Variants in HJURP observed in about 807,000 individuals in gnomAD.
The protein encoded by HJURP is Holliday junction recognition protein.
A neutral mutation model predicts 72.0 loss-of-function variants in HJURP; 49 were observed. That is an observed-to-expected ratio of 0.68 (90% CI 0.54 to 0.86). The LOEUF (loss-of-function observed/expected upper bound fraction) is 0.86, where lower values mean the gene tolerates loss of function less well. Among genes scored for constraint, HJURP ranks in the 40% least tolerant of loss-of-function variants. The pLI is 0.00. For missense variants in HJURP, 908 were observed against 936.3 expected (o/e 0.97, Z 0.39); for synonymous variants, 357 against 347.1 (o/e 1.03, Z -0.32).
intron 4 of HJURP, among the ~76,000 whole-genome samples, chr2:233,849,450 C>A (rs1462075060): frequency 6.6e-6 from 1 of 152,060 alleles, no homozygotes; most frequent in Non-Finnish European, 1.5e-5. Flanking sequence ...AGTGAGGGTT[C>A]ACAACACCAC....
chr2:233,849,343 C>T (rs986171244), intron 4 of HJURP, among the ~76,000 whole-genome samples: 1 of 152,058 alleles, frequency 6.6e-6, no homozygotes. Context: ...GGACAGATTC[C>T]CTAGAAAAGA....
At chr2:233,839,213 G>A (rs914156524) in intron 8 of HJURP, among the ~76,000 whole-genome samples, 4 of 152,194 alleles carry the variant, frequency 2.6e-5, no homozygotes, top group Non-Finnish European at 5.9e-5. Context: ...CTGAGCCAAG[G>A]AGCCTGAGCC....
chr2:233,853,155 A>G (rs980760425), intron 2 of HJURP, among the ~76,000 whole-genome samples: 4 of 152,182 alleles, frequency 2.6e-5, no homozygotes, highest in African/African-American at 9.7e-5. Context: ...CAAGGAGCAG[A>G]TCTTGTGAAC....
At chr2:233,850,952 G>T (rs1478154052) in intron 3 of HJURP, among the ~76,000 whole-genome samples, 1 of 152,230 alleles carries the variant, frequency 6.6e-6, no homozygotes, top group Non-Finnish European at 1.5e-5. Flanking sequence ...GCACCAAGTC[G>T]TCTGGGAAAA....
At chr2:233,848,637 T>C (rs1486766408) in intron 4 of HJURP, among the ~76,000 whole-genome samples, 2 of 152,158 alleles carry the variant, frequency 1.3e-5, no homozygotes, top group Non-Finnish European at 2.9e-5. Context: ...GGGCCTGTAC[T>C]GAGGCGCAGA....
At chr2:233,854,358 T>C (rs774999236) in intron 1 of HJURP, 26 bp downstream of exon 1, 1 of 1,544,608 alleles carries the variant, frequency 6.5e-7, no homozygotes. Flanking sequence ...AGGCCTCCCC[T>C]CCCGGCGGAC....
Position 233,837,529 on chromosome 2 carries a change from C to T in HJURP, c.*48G>A, listed in dbSNP as rs374573049. Reference sequence around the variant, plus strand: ...AAGAATCAAAAACAAAACAAAAATACAAACAGAGAGCAAGTGGGAAGATAA... The same window carrying T: ...AAGAATCAAAAACAAAACAAAAATATAAACAGAGAGCAAGTGGGAAGATAA... On this transcript the variant is annotated 3_prime_UTR_variant, in exon 9 of 9. Coordinates refer to ENST00000411486, the MANE Select transcript of HJURP (RefSeq NM_018410.5). The T allele has an allele frequency of 3.5e-5, 46 of 1,310,012 alleles. 1 individual carries two copies. The highest frequency in any genetic ancestry group is 4.4e-5 in the Non-Finnish European group (40 of 909,156). 81.1% of individuals were successfully genotyped at this position (1,310,012 alleles called of 1,614,324 possible). A position where few individuals can be genotyped will look rare whatever the true frequency, so the allele number is the denominator to read the frequency against.
In HJURP at chr2:233,844,218, G is replaced by A. The variant is rs145305256; in HGVS notation, c.561C>T (p.Ala187=). ...VTPLPSLASP[A]VPAPGYCSRI... ...TGTCACACTCACCGGGGGCAGGCAC[G>A]GCAGGTGAGGCCAGTGAAGGCAGCG... Residue 187 remains alanine (A), a synonymous_variant, in exon 7 of 9, where the codon GCC becomes GCT. Coordinates refer to ENST00000411486, the MANE Select transcript of HJURP (RefSeq NM_018410.5). 41 of 1,613,926 alleles carry A rather than the reference G, an allele frequency of 2.5e-5. No individual in the cohort carries two copies. Among genetic ancestry groups the A allele is most frequent in the African/African-American group, 4.0e-5 (3 of 75,032 alleles).
chr2:233,846,081 A>G lies in HJURP; in HGVS notation c.403-261T>C. ...ATGACAGCATTGCTAGACCAGGAAA[A>G]AAAAAATCTGAATATTCATAGGTGA... On this transcript the variant is annotated intron_variant, in intron 5 of 8. Transcript: ENST00000411486. This position sits in a 1 kb window ranked among gnomAD's most constrained non-coding sequence, Gnocchi z 4.3. 2.7e-6 allele frequency: 1 copy of G among 370,484 alleles called. No individual in the cohort carries two copies. The highest frequency in any genetic ancestry group is 4.9e-6 in the Non-Finnish European group (1 of 204,450). 22.9% of individuals were successfully genotyped at this position (370,484 alleles called of 1,614,324 possible).
Position 233,840,685 on chromosome 2 carries a change from C to G in HJURP, c.2095G>C (p.Gly699Arg). Residue 699 changes from glycine (G) to arginine (R), a missense_variant, in exon 8 of 9, where the codon GGT (glycine) becomes CGT (arginine). This residue lies in a region of HJURP where 598 missense variants were observed against 619.5 expected (regional missense o/e 0.97). Transcript: ENST00000411486. ...QGSGRQGNSL[G>R]ASDGVDNTVR... is the part of the protein sequence containing the mutation. ...GTGTTGTCCACCCCATCTGAGGCAC[C>G]CAGGGAATTGCCCTGGCGTCCGGAG... 3 of 1,614,030 alleles carry G rather than the reference C, an allele frequency of 1.9e-6. No individual in the cohort carries two copies. Among genetic ancestry groups the G allele is most frequent in the Non-Finnish European group, 2.5e-6 (3 of 1,179,996 alleles).
At chr2:233,848,154 G>A (rs1705413832) in intron 4 of HJURP, among the ~76,000 whole-genome samples, 1 of 152,012 alleles carries the variant, frequency 6.6e-6, no homozygotes, top group African/African-American at 2.4e-5. Flanking sequence ...TAGGCAAGGT[G>A]CCAGGAAAGG....
chr2:233,853,143 C>T (rs1705536029), intron 2 of HJURP, among the ~76,000 whole-genome samples: 1 of 152,208 alleles, frequency 6.6e-6, no homozygotes, highest in African/African-American at 2.4e-5. Context: ...TTTCTTTTAA[C>T]TCAAGGAGCA....
chr2:233,841,946 C>T lies in HJURP; in HGVS notation c.834G>A (p.Lys278=). Residue 278 remains lysine (K), a synonymous_variant, in exon 8 of 9, where the codon AAG becomes AAA. Transcript: ENST00000411486. The part of the protein sequence containing the change: ...LHSMSRLLST[K]PSSIISTKTF... ...TTTTGGTGGAGATGATGCTTGATGG[C>T]TTTGTGCTCAACAGCCGGCTCATGG... 1 of 1,614,196 alleles carries T rather than the reference C, an allele frequency of 6.2e-7. No individual in the cohort carries two copies.
intron 5 of HJURP, 33 bp downstream of exon 5, chr2:233,847,364 C>T (rs1459380886): frequency 6.4e-7 from 1 of 1,571,946 alleles, no homozygotes; most frequent in Admixed American, 1.7e-5. Context: ...CAAGCGCCCC[C>T]TCTGTCCATT....
Position 233,846,858 on chromosome 2 carries a change from TAAG to T in HJURP, c.402+536_402+538del, listed in dbSNP as rs1705374841. On this transcript the variant is annotated intron_variant, in intron 5 of 8. Transcript: ENST00000411486. This position sits in a 1 kb window ranked among gnomAD's most constrained non-coding sequence, Gnocchi z 4.3. ...TCGCATCTATCCCAACCAAGGAGGA[TAAG>T]AAGCACATCCCATAAGAAAACGGGT... Among the ~76,000 whole-genome samples, 1 of 152,166 alleles carries T rather than the reference TAAG, an allele frequency of 6.6e-6. No homozygotes were observed. The highest frequency in any genetic ancestry group is 2.4e-5 in the African/African-American group (1 of 41,440).
chr2:233,840,218 C>T (rs941727298), intron 8 of HJURP, among the ~76,000 whole-genome samples: 4 of 152,302 alleles, frequency 2.6e-5, no homozygotes, highest in Admixed American at 1.3e-4. Context: ...GGAAGTCATT[C>T]GCTTTAGATC....
At chr2:233,844,110 G>A in intron 7 of HJURP, 95 bp downstream of exon 7, 3 of 824,494 alleles carry the variant, frequency 3.6e-6, no homozygotes, top group Non-Finnish European at 6.1e-6. Flanking sequence ...AGGAAATGAT[G>A]GCGTGGCCAG....
intron 2 of HJURP, 68 bp downstream of exon 2, chr2:233,853,776 G>T: frequency 7.8e-7 from 1 of 1,275,532 alleles, no homozygotes; most frequent in Non-Finnish European, 1.1e-6. Flanking sequence ...AAGAGAGCAG[G>T]GACAGCATTT....
At chr2:233,853,947 G>A (rs895035600) in intron 1 of HJURP, 37 bp from the exon 2 acceptor site, 4 of 1,591,804 alleles carry the variant, frequency 2.5e-6, no homozygotes, top group African/African-American at 2.7e-5. Context: ...CAGGTTCCAG[G>A]GCCACGAGGG....
Sources: gnomAD v4.1 joint callset for allele counts (sites outside exome capture counted in the v4.1 genomes callset) on GRCh38, gnomAD v4.1.1 for gene constraint, gnomAD v4.1.1 regional missense constraint, Gnocchi (gnomAD v3.1) non-coding constraint, MANE v1.5 for transcripts, NCBI Gene and HGNC (gene_info 2026-07-23, HGNC 2026-07-21) for gene names.